Variants in RNGTT observed in about 807,000 individuals in gnomAD.
RNGTT encodes mRNA-capping enzyme.
Under a neutral mutation model 79.3 loss-of-function variants are expected in RNGTT, and 33 were observed. That is an observed-to-expected ratio of 0.42 (90% CI 0.32 to 0.56). The LOEUF (loss-of-function observed/expected upper bound fraction) is 0.56. Among genes scored for constraint, RNGTT ranks in the 20% least tolerant of loss-of-function variants. The pLI, the probability that RNGTT is intolerant of heterozygous loss-of-function variation, is 0.17. For missense variants in RNGTT, 497 were observed against 739.1 expected (o/e 0.67, Z 3.80); for synonymous variants, 222 against 235.9 (o/e 0.94, Z 0.54).
intron 13 of RNGTT, among the ~76,000 whole-genome samples, chr6:88,701,630 C>A (rs1775949594): frequency 6.6e-6 from 1 of 151,852 alleles, no homozygotes; most frequent in Non-Finnish European, 1.5e-5. Flanking sequence ...TTTGAATATT[C>A]TTTTAGTATT....
chr6:88,815,854 G>A (rs1387773152), intron 11 of RNGTT, among the ~76,000 whole-genome samples: 1 of 152,190 alleles, frequency 6.6e-6, no homozygotes, highest in Non-Finnish European at 1.5e-5. Flanking sequence ...CATTTTAGCT[G>A]TAAACTAAAC....
chr6:88,906,434 T>A lies in RNGTT; in HGVS notation c.374A>T (p.His125Leu). The change falls in exon 5 of 16, where the codon CAT becomes CTT. Residue 125 changes from histidine to leucine, a missense_variant. Coordinates refer to ENST00000369485, the MANE Select transcript of RNGTT (RefSeq NM_003800.5). ...AGTGCGATTGAAGCCATGAGTACAA[T>A]GAACACCTAGAAAATAAAGTAGCTT... Reference protein sequence around the residue: ...ERNPPELIGVHCTHGFNRTGF... With the variant: ...ERNPPELIGVLCTHGFNRTGF... 6.3e-7 allele frequency: 1 copy of A among 1,585,676 alleles called. No individual in the cohort carries two copies. Among genetic ancestry groups the A allele is most frequent in the Non-Finnish European group, 8.5e-7 (1 of 1,169,646 alleles).
chr6:88,829,701 CAAAAA>C (rs766593092), intron 11 of RNGTT, among the ~76,000 whole-genome samples: 3 of 47,632 alleles, frequency 6.3e-5, no homozygotes, highest in Non-Finnish European at 1.3e-4. Flanking sequence ...AAATGGAAAG[CAAAAA>C]AAAAAAAAAA....
chr6:88,760,785 C>G (rs2127835875), intron 13 of RNGTT, among the ~76,000 whole-genome samples: 1 of 152,044 alleles, frequency 6.6e-6, no homozygotes. Flanking sequence ...TATATAAGAA[C>G]AGTTCTTCAA....
At chr6:88,939,183 T>G (rs1411298771) in intron 2 of RNGTT, among the ~76,000 whole-genome samples, 2 of 152,212 alleles carry the variant, frequency 1.3e-5, no homozygotes, top group Non-Finnish European at 2.9e-5. Flanking sequence ...ATTATTTCAT[T>G]AAATAGGTTT....
intron 14 of RNGTT, among the ~76,000 whole-genome samples, chr6:88,662,809 T>C (rs1435354558): frequency 3.9e-5 from 6 of 152,160 alleles, no homozygotes; most frequent in Non-Finnish European, 8.8e-5. Context: ...AACACAGCGG[T>C]TGAACACCGG....
intron 14 of RNGTT, among the ~76,000 whole-genome samples, chr6:88,615,734 TA>T (rs1360164469): frequency 6.6e-6 from 1 of 152,184 alleles, no homozygotes; most frequent in Non-Finnish European, 1.5e-5. Flanking sequence ...TCCTAATTTC[TA>T]AAATGGGGAA....
chr6:88,949,627 CA>C (rs1229003141), intron 1 of RNGTT, among the ~76,000 whole-genome samples: 30 of 152,086 alleles, frequency 2.0e-4, no homozygotes, highest in Non-Finnish European at 4.4e-5. Context: ...TCAAACCAGC[CA>C]CAACATTTCC....
chr6:88,621,497 C>T (rs1329325258), intron 14 of RNGTT, among the ~76,000 whole-genome samples: 1 of 152,102 alleles, frequency 6.6e-6, no homozygotes, highest in Non-Finnish European at 1.5e-5. Flanking sequence ...CTCCTTCTTA[C>T]TCCTTCCCCA....
At chr6:88,789,421 A>C (rs574921562) in intron 12 of RNGTT, among the ~76,000 whole-genome samples, 1 of 152,126 alleles carries the variant, frequency 6.6e-6, no homozygotes, top group African/African-American at 2.4e-5. Context: ...TTAGCTGGGC[A>C]TGGTGGGGTG....
intron 13 of RNGTT, among the ~76,000 whole-genome samples, chr6:88,718,979 T>G (rs978780528): frequency 6.6e-6 from 1 of 152,154 alleles, no homozygotes; most frequent in Non-Finnish European, 1.5e-5. Context: ...AAAGCAATGA[T>G]ACATATTTAG....
chr6:88,670,047 T>C (rs753096722), intron 14 of RNGTT, among the ~76,000 whole-genome samples: 21 of 152,218 alleles, frequency 1.4e-4, no homozygotes, highest in Non-Finnish European at 2.5e-4. Flanking sequence ...TAAGAAATGC[T>C]ATTTATCAAA....
rs538791299 is a variant in RNGTT at position 88,854,996 on chromosome 6, G to C, written c.897-1232C>G. 5.3e-5 allele frequency among the ~76,000 whole-genome samples: 8 copies of C among 152,306 alleles called. No individual in the cohort carries two copies. The South Asian group carries it at 1.0e-3, about 20-fold the overall frequency. Reference sequence around the variant, plus strand: ...AAAAAATTTATAGCAAAAAAGATTAGAAAGTTAAAAGGCATAAGCCTCAAA... The same window carrying C: ...AAAAAATTTATAGCAAAAAAGATTACAAAGTTAAAAGGCATAAGCCTCAAA... On this transcript the variant is annotated intron_variant, in intron 8 of 15. Coordinates refer to ENST00000369485, the MANE Select transcript of RNGTT (RefSeq NM_003800.5).
chr6:88,922,775 C>A (rs543876851), intron 4 of RNGTT, among the ~76,000 whole-genome samples: 104 of 152,226 alleles, frequency 6.8e-4, no homozygotes, highest in African/African-American at 2.4e-3. Flanking sequence ...GTGATCCACC[C>A]GCCTCGGCCT....
At chr6:88,807,098 T>C (rs1779983665) in intron 11 of RNGTT, among the ~76,000 whole-genome samples, 1 of 151,904 alleles carries the variant, frequency 6.6e-6, no homozygotes, top group African/African-American at 2.4e-5. Context: ...GTGGGGGGCA[T>C]GGGGAGAGGG....
At position 88,874,657 on chromosome 6, in the gene RNGTT, T is replaced by TA. The variant is rs912155799; in HGVS notation, c.896+15837dup. ...GAGTTAAGAAAGTATCACAGAATCG[T>TA]AAAAAAAAAAAATATGAAAATCCAG... On this transcript the variant is annotated intron_variant, in intron 8 of 15. Transcript: ENST00000369485. Among the ~76,000 whole-genome samples, 565 of 144,724 alleles carry TA rather than the reference T, an allele frequency of 3.9e-3. 2 individuals are homozygous for TA. The highest frequency in any genetic ancestry group is 8.0e-3 in the Admixed American group (116 of 14,526). The allele number at this position is 144,724 out of a possible 152,430, so 94.9% of individuals were successfully genotyped here. A position where few individuals can be genotyped will look rare whatever the true frequency, so the allele number is the denominator to read the frequency against.
At chr6:88,863,939 T>C (rs1339826211) in intron 8 of RNGTT, among the ~76,000 whole-genome samples, 1 of 152,052 alleles carries the variant, frequency 6.6e-6, no homozygotes, top group African/African-American at 2.4e-5. Flanking sequence ...AAAAATCTCA[T>C]CCAATATTAT....
rs762128281 is a variant in RNGTT at position 88,802,149 on chromosome 6, A to T, written c.1270-517T>A. Among the ~76,000 whole-genome samples, 54 of 152,206 alleles carry T rather than the reference A, an allele frequency of 3.5e-4. 1 individual carries two copies. Among genetic ancestry groups the T allele is most frequent in the Non-Finnish European group, 1.8e-4 (12 of 68,022 alleles). ...CATGAAGATTATAGTCCAAAGCTAC[A>T]AACAAACTTGCTTGGGGGCAAGAAT... On this transcript the variant is annotated intron_variant, in intron 11 of 15. Transcript: ENST00000369485.
intron 13 of RNGTT, among the ~76,000 whole-genome samples, chr6:88,694,448 G>C (rs952956380): frequency 2.0e-5 from 3 of 151,910 alleles, no homozygotes; most frequent in African/African-American, 4.8e-5. Flanking sequence ...AGAAACAGAA[G>C]ACACAAGTAA....
Sources: gnomAD v4.1 joint callset for allele counts (sites outside exome capture counted in the v4.1 genomes callset) on GRCh38, gnomAD v4.1.1 for gene constraint, MANE v1.5 for transcripts, NCBI Gene and HGNC (gene_info 2026-07-23, HGNC 2026-07-21) for gene names.